The following ENDOV variants were observed in gnomAD, a reference collection of about 807,000 sequenced individuals.
ENDOV encodes hEndoV.
A neutral mutation model predicts 39.4 loss-of-function variants in ENDOV; 37 were observed. The ratio of observed to expected loss-of-function variants is 0.94; its 90% confidence interval spans 0.72 to 1.23. The LOEUF is 1.23. ENDOV is among the 50% of genes most tolerant of loss of function. The pLI is 0.00. For synonymous variants in ENDOV, 186 were observed against 163.4 expected (o/e 1.14, Z -1.05); for missense variants, 441 against 375.7 (o/e 1.17, Z -1.44).
chr17:80,419,343 C>T, intron 2 of ENDOV: 1 of 513,834 alleles, frequency 1.9e-6, no homozygotes, highest in East Asian at 3.1e-5. Context: ...AGAACACTGT[C>T]CTTAGCATCC....
intron 4 of ENDOV, among the ~76,000 whole-genome samples, chr17:80,422,469 C>T (rs551462550): frequency 6.6e-6 from 1 of 152,276 alleles, no homozygotes; most frequent in East Asian, 1.9e-4. Flanking sequence ...TACCTCTTTC[C>T]TGTCCGCCAC....
chr17:80,416,734 CCCTT>C (rs1217248737), intron 2 of ENDOV, among the ~76,000 whole-genome samples: 1 of 132,526 alleles, frequency 7.5e-6, no homozygotes, highest in Non-Finnish European at 1.6e-5. Flanking sequence ...CTTCCTTCCT[CCCTT>C]CCTTCCTCTC....
chr17:80,427,241 C>T (rs113538915), intron 7 of ENDOV, among the ~76,000 whole-genome samples: 70 of 152,386 alleles, frequency 4.6e-4, no homozygotes, highest in African/African-American at 1.6e-3. Flanking sequence ...TCCATTCCAA[C>T]TCAGCCGTGT....
At chr17:80,426,546 G>T (rs1021542917) in intron 7 of ENDOV, among the ~76,000 whole-genome samples, 1 of 152,238 alleles carries the variant, frequency 6.6e-6, no homozygotes, top group African/African-American at 2.4e-5. Flanking sequence ...TGCTACTTAG[G>T]AGGCTGAGGC....
chr17:80,421,983 A>T, intron 3 of ENDOV, 21 bp downstream of exon 3: 1 of 1,605,144 alleles, frequency 6.2e-7, no homozygotes, highest in Non-Finnish European at 8.5e-7. Flanking sequence ...CATCCCTAGG[A>T]CGAGAGAAAG....
intron 2 of ENDOV, among the ~76,000 whole-genome samples, chr17:80,421,393 A>G (rs1285414518): frequency 6.6e-6 from 1 of 150,662 alleles, no homozygotes; most frequent in East Asian, 2.0e-4. Context: ...CCTATGGACC[A>G]GGTCCCAGGG....
At chr17:80,423,834 C>A in intron 5 of ENDOV, 1 of 571,280 alleles carries the variant, frequency 1.8e-6, no homozygotes, top group South Asian at 2.2e-5. Context: ...CTGAGCTCCT[C>A]TCCTGCCTCC....
In ENDOV at chr17:80,436,479, T is replaced by A; in HGVS notation, c.*336T>A. On this transcript the variant is annotated 3_prime_UTR_variant, in exon 10 of 10. Transcript: ENST00000518137. Reference sequence around the variant, plus strand: ...CCTAATTTGTTAAGTGTTTTTATCCTTAAAGGGTACTGGATTTTGTCAAAT... The same window carrying A: ...CCTAATTTGTTAAGTGTTTTTATCCATAAAGGGTACTGGATTTTGTCAAAT... The A allele has an allele frequency of 1.3e-6, 1 of 794,532 alleles. No individual in the cohort carries two copies. The highest frequency in any genetic ancestry group is 1.7e-6 in the Non-Finnish European group (1 of 574,410). The allele number at this position is 794,532 out of a possible 1,614,324, so 49.2% of individuals were successfully genotyped here.
chr17:80,433,832 T>A (rs1267516341), intron 9 of ENDOV, among the ~76,000 whole-genome samples: 1 of 152,190 alleles, frequency 6.6e-6, no homozygotes, highest in Non-Finnish European at 1.5e-5. Context: ...CAGGGGGTCC[T>A]TCATTTTCCC....
At chr17:80,427,756 C>T (rs1476653267) in intron 7 of ENDOV, 7 of 1,289,208 alleles carry the variant, frequency 5.4e-6, no homozygotes, top group East Asian at 5.5e-5. Context: ...CGCGCCGGGC[C>T]GTCTTGGTGG....
intron 5 of ENDOV, 115 bp downstream of exon 5, chr17:80,423,747 T>C: frequency 1.0e-6 from 1 of 983,706 alleles, no homozygotes; most frequent in Non-Finnish European, 1.5e-6. Flanking sequence ...GCCCTCCTCA[T>C]CCCTGGCTTG....
At chr17:80,431,606 C>T (rs551389847) in intron 9 of ENDOV, among the ~76,000 whole-genome samples, 4 of 152,306 alleles carry the variant, frequency 2.6e-5, no homozygotes, top group Admixed American at 1.3e-4. Flanking sequence ...GAGGGAGCCC[C>T]AGTGCGGCCC....
In ENDOV at chr17:80,429,394, TC is replaced by T. The variant is rs41300788; in HGVS notation, c.780-376del. On this transcript the variant is annotated intron_variant, in intron 8 of 9. Coordinates refer to ENST00000518137, the MANE Select transcript of ENDOV (RefSeq NM_173627.5). ...CTCCAGGCTGAGAGGACACCCCCAC[TC>T]CCTAGGCAAAGATCGCAGGAGGCCC... 2.3e-3 allele frequency among the ~76,000 whole-genome samples: 345 copies of T among 152,250 alleles called. 3 individuals are homozygous for T. The highest frequency in any genetic ancestry group is 7.9e-3 in the African/African-American group (328 of 41,558).
At chr17:80,435,796 T>C (rs2083559001) in intron 9 of ENDOV, among the ~76,000 whole-genome samples, 3 of 151,270 alleles carry the variant, frequency 2.0e-5, no homozygotes, top group East Asian at 1.9e-4. Context: ...TTTTTTTTTT[T>C]CAGTAGAGAC....
At chr17:80,418,080 G>T (rs1191675887) in intron 2 of ENDOV, 2 of 152,238 alleles carry the variant, frequency 1.3e-5, no homozygotes, top group Middle Eastern at 3.4e-3. Flanking sequence ...ACTCTAAGAG[G>T]TCCCCTGGCC....
rs1194726174 is a variant in ENDOV at position 80,415,720 on chromosome 17, T to G, written c.127T>G (p.Ser43Ala). The G allele has an allele frequency of 6.2e-7, 1 of 1,610,080 alleles. No homozygotes were observed. The highest frequency in any genetic ancestry group is 8.5e-7 in the Non-Finnish European group (1 of 1,178,374). Residue 43 changes from serine (S) to alanine (A), a missense_variant, in exon 2 of 10, where the codon TCG becomes GCG. Coordinates refer to ENST00000518137, the MANE Select transcript of ENDOV (RefSeq NM_173627.5). Reference sequence around the variant, plus strand: ...GGCGTGGCAGCGAGACCCCGCCTTCTCGGGTCTGCAGAGGGTCGGGGGCGT... The same window carrying G: ...GGCGTGGCAGCGAGACCCCGCCTTCGCGGGTCTGCAGAGGGTCGGGGGCGT... ...TEAWQRDPAFSGLQRVGGVDV... is the reference protein window; with the variant it reads ...TEAWQRDPAFAGLQRVGGVDV...
At chr17:80,427,529 A>C in intron 7 of ENDOV, 1 of 1,051,690 alleles carries the variant, frequency 9.5e-7, no homozygotes, top group Non-Finnish European at 1.2e-6. Flanking sequence ...GGAAAGCCGC[A>C]ACCAGTTGGG....
At position 80,422,281 on chromosome 17, in the gene ENDOV, T is replaced by G. The variant is rs533074161; in HGVS notation, c.403+36T>G. 2.1e-4 allele frequency: 339 copies of G among 1,611,126 alleles called. 3 individuals are homozygous for G. The South Asian group carries it at 3.6e-3, about 17-fold the overall frequency. On this transcript the variant is annotated intron_variant, in intron 4 of 9. Coordinates refer to ENST00000518137, the MANE Select transcript of ENDOV (RefSeq NM_173627.5). ...TCTTGGAGGTCCAGGGAGGGCACTGTGGGGAAGAGCGGGGGGAGAGGGCAC... is the reference window on the plus strand; with the variant it reads ...TCTTGGAGGTCCAGGGAGGGCACTGGGGGGAAGAGCGGGGGGAGAGGGCAC...
intron 6 of ENDOV, 32 bp downstream of exon 6, chr17:80,425,132 GC>G: frequency 6.3e-7 from 1 of 1,577,854 alleles, no homozygotes; most frequent in Non-Finnish European, 8.6e-7. Context: ...CTCCTCCAAA[GC>G]CCCGGGGTAG....
Sources: allele counts gnomAD v4.1 joint callset (sites outside exome capture counted in the v4.1 genomes callset), GRCh38; gene constraint gnomAD v4.1.1; transcripts MANE v1.5; gene names NCBI Gene and HGNC (gene_info 2026-07-23, HGNC 2026-07-21).